Variants in RAF1 observed in about 807,000 individuals in gnomAD.
The protein encoded by RAF1 is RAF proto-oncogene serine/threonine-protein kinase.
RAF1 carries 27 observed loss-of-function variants against 81.1 expected under a neutral mutation model. The observed-to-expected ratio is 0.33, with a 90% CI of 0.25 to 0.46. The LOEUF is 0.46. Among genes scored for constraint, RAF1 ranks in the 20% least tolerant of loss-of-function variants. The probability of loss-of-function intolerance (pLI) is 1.00; values close to 1 mark genes in which losing one functional copy is unlikely to be tolerated. For missense variants in RAF1, 598 were observed against 826.0 expected, an observed-to-expected ratio of 0.72 and a Z score of 3.38; for synonymous variants, 298 against 294.0, an observed-to-expected ratio of 1.01 and a Z score of -0.14.
At chr3:12,613,493 GGGAA>G (rs1200613639) in intron 2 of RAF1, among the ~76,000 whole-genome samples, 1 of 151,908 alleles carries the variant, frequency 6.6e-6, no homozygotes, top group Non-Finnish European at 1.5e-5. Flanking sequence ...CACGGGGAGG[GGGAA>G]GGAAGTAAAG....
chr3:12,605,248 T>TTA lies in RAF1; in HGVS notation c.680+951_680+952dup, dbSNP rs1553613985. Among the ~76,000 whole-genome samples the TTA allele has an allele frequency of 1.4e-3, 159 of 111,672 alleles. 1 individual carries two copies. The highest frequency in any genetic ancestry group is 1.8e-3 in the Non-Finnish European group (86 of 48,264). The allele number at this position is 111,672 out of a possible 152,430, so 73.3% of individuals were successfully genotyped here. A position where few individuals can be genotyped will look rare whatever the true frequency, so the allele number is the denominator to read the frequency against. ...ACATTAAACATTATCTGATTACACA[T>TTA]TATGTGTGTGTGTGTGTGTGTGTGT... On this transcript the variant is annotated intron_variant, in intron 6 of 17. Coordinates refer to ENST00000442415, the MANE Select transcript of RAF1 (RefSeq NM_001354689.3).
chr3:12,602,481 A>G (rs1016356006), intron 8 of RAF1, among the ~76,000 whole-genome samples: 2 of 152,170 alleles, frequency 1.3e-5, no homozygotes, highest in African/African-American at 4.8e-5. Flanking sequence ...CCTCCTGAGT[A>G]ACTAGGACTG....
chr3:12,621,867 G>C (rs2059566317), intron 1 of RAF1, among the ~76,000 whole-genome samples: 1 of 152,142 alleles, frequency 6.6e-6, no homozygotes, highest in Non-Finnish European at 1.5e-5. Flanking sequence ...TCTACAAAGA[G>C]GGAAATCTAG....
At position 12,598,664 on chromosome 3, in the gene RAF1, T is replaced by C. The variant is rs5746230; in HGVS notation, c.1168+1027A>G. ...CTGTTTGAGCCCAAGAGTTGGAGGC[T>C]GCAGTGAGCTGTGATTGTGCCACTG... On this transcript the variant is annotated intron_variant, in intron 11 of 17. Transcript: ENST00000442415. Among the ~76,000 whole-genome samples the C allele has an allele frequency of 2.1e-3, 294 of 139,426 alleles. 1 individual carries two copies. The highest frequency in any genetic ancestry group is 7.0e-3 in the African/African-American group (257 of 36,684). The allele number at this position is 139,426 out of a possible 152,430, so 91.5% of individuals were successfully genotyped here.
chr3:12,626,179 G>C (rs2059695875), intron 1 of RAF1, among the ~76,000 whole-genome samples: 1 of 150,020 alleles, frequency 6.7e-6, no homozygotes. Context: ...AAGAGGTGGA[G>C]GTTGCAGTGA....
At chr3:12,645,335 T>A (rs920841722) in intron 1 of RAF1, among the ~76,000 whole-genome samples, 1 of 152,130 alleles carries the variant, frequency 6.6e-6, no homozygotes, top group Non-Finnish European at 1.5e-5. Context: ...CACAGAACTG[T>A]TAGAATTAAG....
At chr3:12,642,731 G>A (rs1467237988) in intron 1 of RAF1, among the ~76,000 whole-genome samples, 5 of 134,214 alleles carry the variant, frequency 3.7e-5, no homozygotes, top group Non-Finnish European at 6.4e-5. Context: ...AAATAGCTGC[G>A]TATGGTGGCA....
In RAF1 at chr3:12,600,314, A is replaced by G. The variant is rs560289911; in HGVS notation, c.923-35T>C. 79 of 1,614,214 alleles carry G rather than the reference A, an allele frequency of 4.9e-5. No homozygotes were observed. The East Asian group carries it at 5.1e-4, about 10-fold the overall frequency. ...CAAGACAAACAGAAGCCACACAAGG[A>G]TAAGCCAACAGAAGATACACCGCAT... On this transcript the variant is annotated intron_variant, in intron 9 of 17. Transcript: ENST00000442415.
chr3:12,598,890 A>T (rs1690721168), intron 11 of RAF1, among the ~76,000 whole-genome samples: 1 of 152,186 alleles, frequency 6.6e-6, no homozygotes, highest in African/African-American at 2.4e-5. Flanking sequence ...CATCCAAAGT[A>T]GTATAGGCAC....
intron 1 of RAF1, among the ~76,000 whole-genome samples, chr3:12,645,302 T>C (rs2060311807): frequency 6.6e-6 from 1 of 152,120 alleles, no homozygotes; most frequent in African/African-American, 2.4e-5. Flanking sequence ...TTACAATTTA[T>C]TCAGCTCATC....
chr3:12,604,675 T>C (rs2058971274), intron 6 of RAF1, among the ~76,000 whole-genome samples: 1 of 152,154 alleles, frequency 6.6e-6, no homozygotes, highest in African/African-American at 2.4e-5. Context: ...GAGACTAAAT[T>C]TGAGAATTTA....
At chr3:12,603,151 A>T (rs1332802183) in intron 8 of RAF1, among the ~76,000 whole-genome samples, 2 of 152,152 alleles carry the variant, frequency 1.3e-5, no homozygotes, top group Admixed American at 1.3e-4. Flanking sequence ...GTAGCTCCCT[A>T]CAGCCTAGAA....
intron 6 of RAF1, among the ~76,000 whole-genome samples, chr3:12,605,250 A>ATG (rs139616156): frequency 0.047 from 6,837 of 144,612 alleles, 230 homozygotes; most frequent in East Asian, 0.21. Flanking sequence ...ATTACACATT[A>ATG]TGTGTGTGTG....
intron 1 of RAF1, among the ~76,000 whole-genome samples, chr3:12,628,755 G>C (rs1377415364): frequency 2.2e-5 from 3 of 137,814 alleles, no homozygotes; most frequent in African/African-American, 5.5e-5. Context: ...TATTTTTGGG[G>C]GGGGGGGGTG....
intron 13 of RAF1, 24 bp from the exon 13 acceptor site, chr3:12,587,661 A>G: frequency 6.3e-7 from 1 of 1,592,840 alleles, no homozygotes; most frequent in Non-Finnish European, 8.6e-7. Context: ...AGAAATTATT[A>G]AAAATAAGTT....
chr3:12,610,506 C>A (rs146989627), intron 3 of RAF1, among the ~76,000 whole-genome samples: 1 of 152,150 alleles, frequency 6.6e-6, no homozygotes, highest in South Asian at 2.1e-4. Context: ...GTAGACCAAG[C>A]CCTCCCTGTC....
At position 12,618,660 on chromosome 3, in the gene RAF1, A is replaced by T. The variant is rs1306287046; in HGVS notation, c.62T>A (p.Val21Glu). 1 of 1,614,218 alleles carries T rather than the reference A, an allele frequency of 6.2e-7. No individual in the cohort carries two copies. The highest frequency in any genetic ancestry group is 2.2e-5 in the East Asian group (1 of 44,890). ...AGAGATGCAGCTGGAGCCATCAAAC[A>T]CGGCATCTTTGAATCCAAAACCATT... The change falls in exon 2 of 18, where the codon GTG (valine) becomes GAG (glutamate). Residue 21 changes from valine (V) to glutamate (E), a missense_variant. By Grantham distance (121) the Val-to-Glu change is moderately radical. Coordinates refer to ENST00000442415, the MANE Select transcript of RAF1 (RefSeq NM_001354689.3).
chr3:12,609,209 A>C lies in RAF1; in HGVS notation c.423+24T>G, dbSNP rs745579763. The C allele has an allele frequency of 2.6e-6, 4 of 1,548,644 alleles. No individual in the cohort carries two copies. In the South Asian group the frequency reaches 3.3e-5, roughly 13 times the overall value. ...CCTGGCAAAGCCCTCAACATGCCAG[A>C]AAGAGAAGAGATCTGCAACTTACAA... On this transcript the variant is annotated intron_variant, in intron 4 of 17. Coordinates refer to ENST00000442415, the MANE Select transcript of RAF1 (RefSeq NM_001354689.3).
Position 12,612,530 on chromosome 3 carries a change from T to C in RAF1, c.208-468A>G, listed in dbSNP as rs533236148. 4.6e-5 allele frequency among the ~76,000 whole-genome samples: 7 copies of C among 151,842 alleles called. No homozygotes were observed. The East Asian group carries it at 1.4e-3, about 30-fold the overall frequency. On this transcript the variant is annotated intron_variant, in intron 2 of 17. Coordinates refer to ENST00000442415, the MANE Select transcript of RAF1 (RefSeq NM_001354689.3). ...CGGGCATGGTGGTGGACGCCTGTAA[T>C]CTCAGCTACTTGGGAGGCTGAGGTA...
Sources: allele counts gnomAD v4.1 joint callset (sites outside exome capture counted in the v4.1 genomes callset), GRCh38; gene constraint gnomAD v4.1.1; transcripts MANE v1.5; gene names NCBI Gene and HGNC (gene_info 2026-07-23, HGNC 2026-07-21).